Variants in HELZ observed in about 807,000 individuals in gnomAD.
The protein encoded by HELZ is ATP-dependent RNA helicase with zinc finger domain.
In HELZ, 23 loss-of-function variants were observed where a neutral mutation model predicts 218.2. The ratio of observed to expected loss-of-function variants is 0.11; its 90% CI spans 0.08 to 0.15. HELZ has a LOEUF of 0.15. Ranked by LOEUF, HELZ falls within the 10% of genes least tolerant of loss-of-function variation. HELZ has a pLI of 1.00. For missense variants in HELZ, 1,813 were observed against 2,353.7 expected (o/e 0.77, Z 4.75); for synonymous variants, 814 against 829.4 (o/e 0.98, Z 0.32).
chr17:67,113,360 C>T (rs894000410), intron 28 of HELZ, among the ~76,000 whole-genome samples: 7 of 151,772 alleles, frequency 4.6e-5, no homozygotes, highest in Non-Finnish European at 7.4e-5. Context: ...CCTGGGTTCA[C>T]GCCATTCTCC....
intron 31 of HELZ, among the ~76,000 whole-genome samples, chr17:67,090,118 T>A (rs2036535501): frequency 6.6e-6 from 1 of 152,148 alleles, no homozygotes; most frequent in African/African-American, 2.4e-5. Flanking sequence ...TCATCCTGAG[T>A]GGACCATGCA....
intron 23 of HELZ, among the ~76,000 whole-genome samples, chr17:67,129,973 A>T (rs2037924749): frequency 6.6e-6 from 1 of 152,192 alleles, no homozygotes; most frequent in African/African-American, 2.4e-5. Context: ...GACAGCAGGT[A>T]ATCAAGATGG....
At chr17:67,244,535 T>C (rs993786839) in intron 1 of HELZ, 1 of 925,946 alleles carries the variant, frequency 1.1e-6, no homozygotes, top group Non-Finnish European at 1.3e-6. Flanking sequence ...CCTATCTTTA[T>C]TTTTGTTGAT....
chr17:67,202,921 C>T (rs1185398845), intron 6 of HELZ, among the ~76,000 whole-genome samples: 1 of 151,866 alleles, frequency 6.6e-6, no homozygotes, highest in Non-Finnish European at 1.5e-5. Flanking sequence ...CCCAGGAGTT[C>T]AAGACCAGCC....
chr17:67,112,384 C>T (rs147124504), intron 28 of HELZ, among the ~76,000 whole-genome samples: 48 of 152,312 alleles, frequency 3.2e-4, no homozygotes, highest in African/African-American at 1.1e-3. Context: ...CGATTGGTTT[C>T]GTCCCAAGCT....
intron 14 of HELZ, among the ~76,000 whole-genome samples, chr17:67,167,227 C>T (rs183635381): frequency 1.3e-3 from 204 of 152,308 alleles, no homozygotes; most frequent in African/African-American, 4.4e-3. Context: ...TGATTTAAAA[C>T]TCTAATCAGA....
At chr17:67,124,098 T>G in intron 24 of HELZ, 84 bp from the exon 25 acceptor site, 1 of 867,940 alleles carries the variant, frequency 1.2e-6, no homozygotes, top group Non-Finnish European at 1.9e-6. Context: ...CATATGTAAA[T>G]TAATGTACAC....
chr17:67,107,507 T>G lies in HELZ; in HGVS notation c.4903A>C (p.Asn1635His), dbSNP rs764285726. 1.9e-6 allele frequency: 3 copies of G among 1,614,160 alleles called. No individual in the cohort carries two copies. Among genetic ancestry groups the G allele is most frequent in the East Asian group, 4.5e-5 (2 of 44,880 alleles). ...ACTTCAATGTCTCTGCTGTTATCAT[T>G]AAAGTTAGAAAAGTGGCTACTGTGG... ...TDHSSHFSNF[N>H]DNSRDIEVAS... Residue 1635 changes from asparagine (N) to histidine (H), a missense_variant, in exon 31 of 33, where the codon AAT becomes CAT. Asn to His is a moderately conservative substitution (Grantham distance 68). Coordinates refer to ENST00000358691, the MANE Select transcript of HELZ (RefSeq NM_014877.4).
intron 28 of HELZ, among the ~76,000 whole-genome samples, chr17:67,110,135 T>C (rs1185322813): frequency 6.6e-6 from 1 of 152,152 alleles, no homozygotes; most frequent in Non-Finnish European, 1.5e-5. Context: ...TGGCACCATC[T>C]TGGCTCACTG....
At chr17:67,136,442 TTACA>T (rs1555608741) in intron 22 of HELZ, among the ~76,000 whole-genome samples, 3 of 152,182 alleles carry the variant, frequency 2.0e-5, no homozygotes, top group Non-Finnish European at 4.4e-5. Flanking sequence ...AATTCCATGC[TTACA>T]TACATACTCA....
intron 9 of HELZ, among the ~76,000 whole-genome samples, chr17:67,191,502 A>G (rs1376359549): frequency 2.0e-5 from 3 of 152,090 alleles, no homozygotes; most frequent in Non-Finnish European, 4.4e-5. Flanking sequence ...CCCAGGCTAG[A>G]GCGCAGTGGC....
chr17:67,138,130 C>T lies in HELZ; in HGVS notation c.2770-16G>A. On this transcript the variant is annotated splice_polypyrimidine_tract_variant and intron_variant, in intron 21 of 32. Coordinates refer to ENST00000358691, the MANE Select transcript of HELZ (RefSeq NM_014877.4). ...CTTCAAACACCTTTAAAAACAAACA[C>T]ACACATACATATTAAAGTTATCACC... 12 of 1,590,902 alleles carry T rather than the reference C, an allele frequency of 7.5e-6. No individual in the cohort carries two copies. The highest frequency in any genetic ancestry group is 1.0e-5 in the Non-Finnish European group (12 of 1,165,974).
intron 1 of HELZ, 111 bp from the exon 2 acceptor site, chr17:67,243,950 G>A: frequency 1.0e-6 from 1 of 984,114 alleles, no homozygotes. Flanking sequence ...AATGGAAAAA[G>A]TTACAAAAAT....
chr17:67,190,065 A>T, intron 10 of HELZ, 92 bp downstream of exon 10: 2 of 1,032,106 alleles, frequency 1.9e-6, no homozygotes, highest in Non-Finnish European at 2.9e-6. Flanking sequence ...AAAGAAGATA[A>T]GGAAATAAAC....
chr17:67,211,967 T>C (rs1484238316), intron 5 of HELZ, among the ~76,000 whole-genome samples: 1 of 152,090 alleles, frequency 6.6e-6, no homozygotes, highest in Non-Finnish European at 1.5e-5. Context: ...TAACCCACAG[T>C]AGGTCAGAAG....
At chr17:67,152,172 G>A (rs954058633) in intron 17 of HELZ, among the ~76,000 whole-genome samples, 23 of 152,334 alleles carry the variant, frequency 1.5e-4, no homozygotes, top group African/African-American at 5.5e-4. Context: ...GAGGATTCCG[G>A]TTTGTAGTGT....
intron 23 of HELZ, among the ~76,000 whole-genome samples, chr17:67,131,612 A>G (rs2037987308): frequency 6.6e-6 from 1 of 152,108 alleles, no homozygotes; most frequent in African/African-American, 2.4e-5. Context: ...GGATTCTAGA[A>G]CTAGCCTGAA....
chr17:67,114,363 C>T lies in HELZ; in HGVS notation c.3879G>A (p.Lys1293=). Residue 1293 remains lysine, a synonymous_variant, in exon 28 of 33, where the codon AAG becomes AAA. Transcript: ENST00000358691. ...TTGGCTTTTTCTCTGGTGTTCGAAT[C>T]TTATTAATTTCAGGTCCGGAATTAT... ...DTNNSGPEIN[K]IRTPEKKPTE... is the part of the protein sequence containing the mutation. 1 of 1,611,552 alleles carries T rather than the reference C, an allele frequency of 6.2e-7. No homozygotes were observed. Among genetic ancestry groups the T allele is most frequent in the Non-Finnish European group, 8.5e-7 (1 of 1,177,774 alleles).
chr17:67,090,352 G>A (rs2036541527), intron 31 of HELZ, among the ~76,000 whole-genome samples: 1 of 152,102 alleles, frequency 6.6e-6, no homozygotes, highest in South Asian at 2.1e-4. Context: ...TCATGGAAGT[G>A]GATCTGTGAT....
Sources: gnomAD v4.1 joint callset for allele counts (sites outside exome capture counted in the v4.1 genomes callset) on GRCh38, gnomAD v4.1.1 for gene constraint, MANE v1.5 for transcripts, NCBI Gene and HGNC (gene_info 2026-07-23, HGNC 2026-07-21) for gene names.